MKRN1: variants seen among roughly 807,000 people sequenced by gnomAD.
The protein encoded by MKRN1 is E3 ubiquitin-protein ligase makorin-1.
In MKRN1, 9 loss-of-function variants were observed where a neutral mutation model predicts 55.5. The observed-to-expected ratio is 0.16, with a 90% CI of 0.10 to 0.28. The LOEUF (loss-of-function observed/expected upper bound fraction) is 0.28. MKRN1 is among the 10% of genes least tolerant of loss of function. MKRN1 has a pLI of 1.00. For missense variants in MKRN1, 488 were observed against 626.7 expected (o/e 0.78, Z 2.36); for synonymous variants, 253 against 235.9 (o/e 1.07, Z -0.66).
At chr7:140,477,477 C>T (rs772881377) in intron 1 of MKRN1, among the ~76,000 whole-genome samples, 10 of 152,176 alleles carry the variant, frequency 6.6e-5, no homozygotes, top group Non-Finnish European at 1.0e-4. Context: ...CCTGTCACCA[C>T]GCCCGGCTAA....
rs189817584 is a variant in MKRN1 at position 140,479,300 on chromosome 7, T to C, written c.45A>G (p.Gly15=). Residue 15 remains glycine, a synonymous_variant, in exon 1 of 8, where the codon GGA becomes GGG. Coordinates refer to ENST00000255977, the MANE Select transcript of MKRN1 (RefSeq NM_013446.4). Reference sequence around the variant, plus strand: ...CCGCCGTCGCCGCTGCCGCTCCTGCTCCTGATGTTGTGGCTGTTGTTCCGG... The same window carrying C: ...CCGCCGTCGCCGCTGCCGCTCCTGCCCCTGATGTTGTGGCTGTTGTTCCGG... ...ATPGTTATTS[G]AGAAAATAAA... 1,366 of 1,365,862 alleles carry C rather than the reference T, an allele frequency of 1.0e-3. 14 individuals carry two copies. In the African/African-American group the frequency reaches 0.018, roughly 18 times the overall value. The allele number at this position is 1,365,862 out of a possible 1,614,324, so 84.6% of individuals were successfully genotyped here. A position where few individuals can be genotyped will look rare whatever the true frequency, so the allele number is the denominator to read the frequency against.
intron 2 of MKRN1, among the ~76,000 whole-genome samples, chr7:140,466,502 A>C (rs923119784): frequency 6.6e-5 from 10 of 152,100 alleles, no homozygotes; most frequent in African/African-American, 2.4e-4. Context: ...CCGTCTCTAC[A>C]AACAGAATAA....
chr7:140,463,810 G>A (rs912695545), intron 2 of MKRN1, among the ~76,000 whole-genome samples: 2 of 152,056 alleles, frequency 1.3e-5, no homozygotes, highest in Non-Finnish European at 2.9e-5. Flanking sequence ...GCGTGAACCT[G>A]GGAGGCGGAG....
In MKRN1 at chr7:140,460,715, G is replaced by A. The variant is rs571623856; in HGVS notation, c.315-779C>T. On this transcript the variant is annotated intron_variant, in intron 2 of 7. Transcript: ENST00000255977. ...TTAGTTATACCATGTGTGATGCCAA[G>A]ACTGCTGGTCCAGAGACCATACTTT... 5.7e-4 allele frequency among the ~76,000 whole-genome samples: 87 copies of A among 152,328 alleles called. 1 individual carries two copies. Among genetic ancestry groups the A allele is most frequent in the African/African-American group, 2.0e-3 (84 of 41,572 alleles).
At chr7:140,462,961 A>C (rs987303568) in intron 2 of MKRN1, among the ~76,000 whole-genome samples, 1 of 151,722 alleles carries the variant, frequency 6.6e-6, no homozygotes, top group Non-Finnish European at 1.5e-5. Flanking sequence ...GCTAGACTCC[A>C]ACTCAGAACC....
chr7:140,478,836 C>T (rs1455385363), intron 1 of MKRN1: 2 of 202,840 alleles, frequency 9.9e-6, no homozygotes, highest in African/African-American at 4.6e-5. Context: ...AGCCAGCCCA[C>T]CTCTCCCCGA....
Position 140,459,721 on chromosome 7 carries a change from G to C in MKRN1, c.530C>G (p.Pro177Arg), listed in dbSNP as rs201667171. ...VNAIEFVPGQ[P>R]YCGRTAPSCT... ...AGAATACTTACTACGGCCACAGTAG[G>C]GTTGCCCAGGAACAAACTCAATAGC... The change falls in exon 3 of 8, where the codon CCC becomes CGC. Residue 177 changes from proline (P) to arginine (R), a missense_variant. By Grantham distance (103) the Pro-to-Arg change is moderately radical. Around this residue, in one of 2 missense-constraint regions of MKRN1, gnomAD observed 278 missense variants for 406.7 expected, o/e 0.68. Transcript: ENST00000255977. The C allele has an allele frequency of 4.3e-6, 7 of 1,613,808 alleles. No individual in the cohort carries two copies. In the South Asian group the frequency reaches 4.4e-5, roughly 10 times the overall value.
At chr7:140,459,338 T>C in intron 3 of MKRN1, 105 bp from the exon 4 acceptor site, 2 of 1,101,294 alleles carry the variant, frequency 1.8e-6, no homozygotes, top group Non-Finnish European at 2.6e-6. Context: ...TGCAATGAAA[T>C]ACCAAAACAG....
chr7:140,469,803 A>C (rs1011926933), intron 2 of MKRN1, among the ~76,000 whole-genome samples: 1 of 152,112 alleles, frequency 6.6e-6, no homozygotes, highest in Admixed American at 6.6e-5. Flanking sequence ...TCATGCCTAC[A>C]ATCCCAGCAC....
At chr7:140,477,725 T>C (rs1214497016) in intron 1 of MKRN1, among the ~76,000 whole-genome samples, 1 of 152,198 alleles carries the variant, frequency 6.6e-6, no homozygotes, top group Non-Finnish European at 1.5e-5. Context: ...CCCAAAATGC[T>C]GGGATTACAG....
Position 140,479,171 on chromosome 7 carries a change from C to T in MKRN1, c.174G>A (p.Gln58=), listed in dbSNP as rs1360832538. ...GCGCAACGTCCTACCTGCAGGTGAC[C>T]TGTTTAGTCCAGCCGCCGCCGCTGC... ...SDGSGGGWTK[Q]VTCRYFMHGV... Residue 58 remains glutamine (Q), a synonymous_variant, in exon 1 of 8, where the codon CAG becomes CAA. Transcript: ENST00000255977. The T allele has an allele frequency of 9.7e-6, 14 of 1,444,336 alleles. No homozygotes were observed. The highest frequency in any genetic ancestry group is 4.5e-5 in the African/African-American group (3 of 66,948). 89.5% of individuals were successfully genotyped at this position (1,444,336 alleles called of 1,614,324 possible). A position where few individuals can be genotyped will look rare whatever the true frequency, so the allele number is the denominator to read the frequency against.
chr7:140,472,059 A>C (rs770376927), intron 1 of MKRN1, 48 bp from the exon 2 acceptor site: 1 of 1,610,062 alleles, frequency 6.2e-7, no homozygotes, highest in East Asian at 2.2e-5. Flanking sequence ...ATCCTTGAAA[A>C]TATTAAAACT....
In MKRN1 at chr7:140,457,459, TAAAAATGCAGAA is replaced by T. The variant is rs1270157910; in HGVS notation, c.772-605_772-594del. 3.4e-3 allele frequency among the ~76,000 whole-genome samples: 513 copies of T among 152,184 alleles called. 1 individual carries two copies. The highest frequency in any genetic ancestry group is 0.012 in the African/African-American group (479 of 41,522). ...ATAAAAAACATGATTATAGGAAACA[TAAAAATGCAGAA>T]AACTCCCAGCACTTTGGAAGGCCAA... On this transcript the variant is annotated intron_variant, in intron 4 of 7. Transcript: ENST00000255977.
At position 140,479,233 on chromosome 7, in the gene MKRN1, ACGGGGCGGTGACTGTGGGGAT is replaced by A; in HGVS notation, c.91_111del (p.Ile31_Pro37del). On this transcript the variant is annotated inframe_deletion, in exon 1 of 8. Transcript: ENST00000255977. ...CCGCCCCCTCCGCCCGCCCCCAGGG[ACGGGGCGGTGACTGTGGGGAT>A]CGGGGTGGGGGAGGCTGCTGCCGCC... 6.9e-7 allele frequency: 1 copy of A among 1,446,468 alleles called. No homozygotes were observed. The highest frequency in any genetic ancestry group is 2.8e-5 in the Admixed American group (1 of 35,258). The allele number at this position is 1,446,468 out of a possible 1,614,324, so 89.6% of individuals were successfully genotyped here.
intron 2 of MKRN1, among the ~76,000 whole-genome samples, chr7:140,465,724 C>T (rs1406667946): frequency 6.6e-6 from 1 of 152,166 alleles, no homozygotes; most frequent in African/African-American, 2.4e-5. Flanking sequence ...GATCTACTCC[C>T]TCTGTGAAGA....
At chr7:140,478,269 C>T (rs1344690621) in intron 1 of MKRN1, 2 of 152,214 alleles carry the variant, frequency 1.3e-5, no homozygotes, top group African/African-American at 4.8e-5. Flanking sequence ...CAATTAAATG[C>T]CCTCTTCTGC....
intron 2 of MKRN1, among the ~76,000 whole-genome samples, chr7:140,467,565 CA>C (rs1794809629): frequency 6.6e-6 from 1 of 152,146 alleles, no homozygotes; most frequent in South Asian, 2.1e-4. Context: ...AGGTATGAGC[CA>C]CTGTGCCCAG....
At chr7:140,460,069 T>C (rs2130266965) in intron 2 of MKRN1, 133 bp from the exon 3 acceptor site, 1 of 773,422 alleles carries the variant, frequency 1.3e-6, no homozygotes, top group South Asian at 1.7e-5. Context: ...GCCAATGTGG[T>C]GAAAACCCGT....
chr7:140,464,031 C>G (rs956159744), intron 2 of MKRN1, among the ~76,000 whole-genome samples: 2 of 152,110 alleles, frequency 1.3e-5, no homozygotes. Context: ...GATTCTCCTG[C>G]CTCAGCCTCC....
Sources: gnomAD v4.1 joint callset for allele counts (sites outside exome capture counted in the v4.1 genomes callset) on GRCh38, gnomAD v4.1.1 for gene constraint, gnomAD v4.1.1 regional missense constraint, MANE v1.5 for transcripts, NCBI Gene and HGNC (gene_info 2026-07-23, HGNC 2026-07-21) for gene names.